Variants in SIK3 observed in about 807,000 individuals in gnomAD.
The protein encoded by SIK3 is SIK family kinase 3, also known as serine/threonine-protein kinase SIK3.
In SIK3, 28 loss-of-function variants were observed where a neutral mutation model predicts 144.2. That is an observed-to-expected ratio of 0.19 (90% CI 0.14 to 0.27). SIK3 has a LOEUF of 0.27. SIK3 is among the 10% of genes least tolerant of loss of function. SIK3 has a pLI of 1.00. For synonymous variants in SIK3, 686 were observed against 676.3 expected (o/e 1.01, Z -0.22); for missense variants, 1,319 against 1,776.0 (o/e 0.74, Z 4.62).
chr11:116,881,740 T>C (rs1321562327), intron 6 of SIK3, among the ~76,000 whole-genome samples: 1 of 152,072 alleles, frequency 6.6e-6, no homozygotes, highest in Non-Finnish European at 1.5e-5. Context: ...AAGAAGAGAA[T>C]GAAAGACTAA....
rs71037444 is a variant in SIK3, at chr11:117,021,928, C to CAAAAAAAAA, written c.274-64873_274-64865dup. Among the ~76,000 whole-genome samples the CAAAAAAAAA allele has an allele frequency of 1.4e-3, 82 of 58,980 alleles. 7 individuals are homozygous for CAAAAAAAAA. The highest frequency in any genetic ancestry group is 1.6e-3 in the Admixed American group (7 of 4,484). The allele number at this position is 58,980 out of a possible 152,430, so 38.7% of individuals were successfully genotyped here. The stretch of plus-strand genomic sequence containing the variant: ...ATAGCACAGTGAGCCTCTGTCTCTA[C>CAAAAAAAAA]AAAAAAAAAAAAAAAAAAAAAAAAA... On this transcript the variant is annotated intron_variant, in intron 1 of 24. Coordinates refer to ENST00000445177, the MANE Select transcript of SIK3 (RefSeq NM_001366686.3).
chr11:117,091,642 T>C (rs2134082590), intron 1 of SIK3, among the ~76,000 whole-genome samples: 1 of 152,352 alleles, frequency 6.6e-6, no homozygotes, highest in South Asian at 2.1e-4. Context: ...GCTTAATTTA[T>C]GTGCAATTTA....
At chr11:116,970,684 TCCGTTGACCACGC>T (rs1949736620) in intron 1 of SIK3, among the ~76,000 whole-genome samples, 1 of 151,942 alleles carries the variant, frequency 6.6e-6, no homozygotes, top group African/African-American at 2.4e-5. Context: ...AGAGTCTTGC[TCCGTTGACCACGC>T]TGGAGTGCAA....
At chr11:117,041,791 C>T (rs1952752554) in intron 1 of SIK3, among the ~76,000 whole-genome samples, 1 of 152,142 alleles carries the variant, frequency 6.6e-6, no homozygotes, top group Non-Finnish European at 1.5e-5. Context: ...TAAACTCTGA[C>T]AACAATACAA....
chr11:116,947,569 A>ATGTATGTATGTTTTT (rs374241141), intron 3 of SIK3, among the ~76,000 whole-genome samples: 2 of 109,448 alleles, frequency 1.8e-5, no homozygotes, highest in African/African-American at 3.1e-5. Context: ...GTATGTATGT[A>ATGTATGTATGTTTTT]TTTTTTTTTT....
intron 1 of SIK3, among the ~76,000 whole-genome samples, chr11:117,002,222 C>T (rs1431838318): frequency 5.9e-5 from 9 of 152,330 alleles, no homozygotes; most frequent in East Asian, 1.9e-4. Context: ...GGGCTACATG[C>T]GTCCCAGGAC....
At chr11:117,034,267 C>T (rs915754760) in intron 1 of SIK3, among the ~76,000 whole-genome samples, 1 of 152,078 alleles carries the variant, frequency 6.6e-6, no homozygotes, top group African/African-American at 2.4e-5. Context: ...ACATACTGCC[C>T]CTTAAATATA....
chr11:116,862,844 C>T (rs527489598), intron 16 of SIK3, among the ~76,000 whole-genome samples: 2 of 152,250 alleles, frequency 1.3e-5, no homozygotes, highest in African/African-American at 2.4e-5. Flanking sequence ...GAGGCCGAGA[C>T]GGGCGGATCA....
intron 3 of SIK3, among the ~76,000 whole-genome samples, chr11:116,952,531 T>C (rs1424272696): frequency 1.3e-5 from 2 of 152,216 alleles, no homozygotes; most frequent in East Asian, 1.9e-4. Flanking sequence ...CCCAATAACA[T>C]GACTGCTATT....
chr11:116,932,789 C>CT (rs1047550205), intron 3 of SIK3, among the ~76,000 whole-genome samples: 1 of 152,000 alleles, frequency 6.6e-6, no homozygotes, highest in African/African-American at 2.4e-5. Context: ...TTGAGATTGG[C>CT]TTTTTTATTT....
chr11:117,002,346 T>A (rs540949501), intron 1 of SIK3, among the ~76,000 whole-genome samples: 1 of 152,212 alleles, frequency 6.6e-6, no homozygotes, highest in South Asian at 2.1e-4. Flanking sequence ...TGTATTTTTA[T>A]ATGTGGCCCA....
At chr11:116,998,837 G>T (rs1207516865) in intron 1 of SIK3, among the ~76,000 whole-genome samples, 1 of 152,124 alleles carries the variant, frequency 6.6e-6, no homozygotes, top group Non-Finnish European at 1.5e-5. Context: ...ATAAATTTTT[G>T]TTTACTATAA....
chr11:117,023,609 C>CAAA (rs71469123), intron 1 of SIK3, among the ~76,000 whole-genome samples: 35 of 51,950 alleles, frequency 6.7e-4, no homozygotes, highest in East Asian at 1.9e-3. Flanking sequence ...AACAAACAAA[C>CAAA]AAAAAAAAAA....
At chr11:116,999,579 G>C (rs1261918637) in intron 1 of SIK3, among the ~76,000 whole-genome samples, 5 of 151,268 alleles carry the variant, frequency 3.3e-5, no homozygotes, top group Admixed American at 6.6e-5. Context: ...GTGGCATTTT[G>C]TTTTCTTTTC....
At chr11:116,950,741 C>T (rs1441239537) in intron 3 of SIK3, among the ~76,000 whole-genome samples, 1 of 152,204 alleles carries the variant, frequency 6.6e-6, no homozygotes, top group Non-Finnish European at 1.5e-5. Flanking sequence ...CTGGGATCAT[C>T]AAACTAAACT....
At chr11:117,053,495 C>A (rs149139432) in intron 1 of SIK3, among the ~76,000 whole-genome samples, 94 of 152,180 alleles carry the variant, frequency 6.2e-4, no homozygotes, top group African/African-American at 1.9e-3. Flanking sequence ...ACCCTCACAG[C>A]AAGACTAATA....
intron 1 of SIK3, among the ~76,000 whole-genome samples, chr11:117,070,685 A>C (rs1028924357): frequency 8.0e-5 from 12 of 150,710 alleles, no homozygotes; most frequent in Admixed American, 5.3e-4. Context: ...ACCTCAGGTG[A>C]TCCACCCGCC....
chr11:116,858,305 G>C lies in SIK3; in HGVS notation c.3160C>G (p.Gln1054Glu), dbSNP rs1434248757. 6.2e-7 allele frequency: 1 copy of C among 1,613,030 alleles called. No homozygotes were observed. Among genetic ancestry groups the C allele is most frequent in the East Asian group, 2.2e-5 (1 of 44,860 alleles). The change falls in exon 21 of 25, where the codon CAG becomes GAG. Residue 1054 changes from glutamine to glutamate, a missense_variant. Physicochemically the swap from Gln to Glu is conservative, Grantham distance 29. Around this residue, in one of 8 missense-constraint regions of SIK3, gnomAD observed 646 missense variants for 763.7 expected, o/e 0.85. Transcript: ENST00000445177. The surrounding 1 kb of genome is among the most constrained non-coding windows in gnomAD (Gnocchi z 5.4). The part of the protein sequence containing the change: ...IKRQQQQRQQ[Q>E]QQQQQQQEYQ... ...TCTTGCTGTTGCTGCTGTTGCTGCTGCTGCTGCCGTTGTTGCTGCTGCCTT... is the reference window on the plus strand; with the variant it reads ...TCTTGCTGTTGCTGCTGTTGCTGCTCCTGCTGCCGTTGTTGCTGCTGCCTT...
chr11:117,053,606 C>A (rs1446687568), intron 1 of SIK3, among the ~76,000 whole-genome samples: 1 of 152,028 alleles, frequency 6.6e-6, no homozygotes, highest in Admixed American at 6.6e-5. Context: ...AGTCTGGCTC[C>A]AAACTCAGGG....
Sources: gnomAD v4.1 joint callset for allele counts (sites outside exome capture counted in the v4.1 genomes callset) on GRCh38, gnomAD v4.1.1 for gene constraint, gnomAD v4.1.1 regional missense constraint, Gnocchi (gnomAD v3.1) non-coding constraint, MANE v1.5 for transcripts, NCBI Gene and HGNC (gene_info 2026-07-23, HGNC 2026-07-21) for gene names.